EYS: variants seen among roughly 807,000 people sequenced by gnomAD.
EYS encodes EGF-like photoreceptor maintenance factor.
EYS carries 250 observed loss-of-function variants against 282.1 expected under a neutral mutation model. The ratio of observed to expected loss-of-function variants is 0.89; its 90% CI spans 0.80 to 0.98. The LOEUF is 0.98. Among genes scored for constraint, EYS ranks in the 50% least tolerant of loss-of-function variants. EYS has a pLI of 0.00. For synonymous variants in EYS, 1,355 were observed against 1,282.9 expected (o/e 1.06, Z -1.20); for missense variants, 4,016 against 3,709.0 (o/e 1.08, Z -2.15).
chr6:64,666,800 T>C (rs914243108), intron 22 of EYS, among the ~76,000 whole-genome samples: 5 of 152,222 alleles, frequency 3.3e-5, no homozygotes, highest in Non-Finnish European at 7.3e-5. Context: ...TCCTACTTTC[T>C]CCTCACAACC....
At chr6:63,973,376 G>A (rs146074419) in intron 35 of EYS, among the ~76,000 whole-genome samples, 3 of 151,994 alleles carry the variant, frequency 2.0e-5, no homozygotes, top group Admixed American at 2.0e-4. Flanking sequence ...AATCTACAAG[G>A]AACTTAAACA....
At chr6:65,318,578 A>T (rs1394101052) in intron 11 of EYS, among the ~76,000 whole-genome samples, 1 of 147,292 alleles carries the variant, frequency 6.8e-6, no homozygotes, top group Non-Finnish European at 1.5e-5. Flanking sequence ...TATGTATTAC[A>T]TATATTTTGT....
At chr6:65,121,811 C>T (rs968342349) in intron 12 of EYS, among the ~76,000 whole-genome samples, 1 of 151,872 alleles carries the variant, frequency 6.6e-6, no homozygotes, top group Admixed American at 6.6e-5. Context: ...TCTCAAAGCC[C>T]CTAGGTAAAA....
rs1772562562 is a variant in EYS at position 64,746,588 on chromosome 6, T to C, written c.3443+66790A>G. ...GTGTTTTTTAAACCAAAACAAGTCA[T>C]AGGAGAACATGAATAAAGAATTTAG... On this transcript the variant is annotated intron_variant, in intron 22 of 42. Transcript: ENST00000503581. Among the ~76,000 whole-genome samples the C allele has an allele frequency of 2.6e-5, 4 of 152,202 alleles. No homozygotes were observed. The South Asian group carries it at 8.3e-4, about 31-fold the overall frequency.
intron 29 of EYS, among the ~76,000 whole-genome samples, chr6:64,342,718 C>A (rs1182754130): frequency 6.6e-6 from 1 of 151,864 alleles, no homozygotes. Flanking sequence ...CATAACAATA[C>A]TAACCTTAAA....
chr6:65,027,137 A>G (rs975793160), intron 13 of EYS, among the ~76,000 whole-genome samples: 1 of 152,040 alleles, frequency 6.6e-6, no homozygotes, highest in Admixed American at 6.5e-5. Flanking sequence ...ATACCTCAGT[A>G]AGAAACAAAT....
intron 22 of EYS, among the ~76,000 whole-genome samples, chr6:64,725,901 C>A (rs1008346686): frequency 7.9e-5 from 12 of 152,118 alleles, no homozygotes; most frequent in African/African-American, 2.9e-4. Flanking sequence ...AGCTACATTG[C>A]TGATACATTT....
At chr6:64,367,756 G>A (rs1486624490) in intron 29 of EYS, among the ~76,000 whole-genome samples, 2 of 152,004 alleles carry the variant, frequency 1.3e-5, no homozygotes, top group Non-Finnish European at 2.9e-5. Context: ...ACGGCAGCGT[G>A]GGGAGCTACC....
At chr6:65,581,856 T>A (rs1330995861) in intron 2 of EYS, among the ~76,000 whole-genome samples, 1 of 152,010 alleles carries the variant, frequency 6.6e-6, no homozygotes, top group East Asian at 1.9e-4. Context: ...TTTAGTGCAC[T>A]GTGATTCCTA....
intron 35 of EYS, among the ~76,000 whole-genome samples, chr6:63,875,341 A>T (rs964828464): frequency 8.5e-5 from 13 of 152,198 alleles, no homozygotes; most frequent in Admixed American, 2.6e-4. Context: ...CATGGTTGAT[A>T]AGCTTTTTGA....
intron 28 of EYS, among the ~76,000 whole-genome samples, chr6:64,424,616 C>A (rs1480885082): frequency 1.3e-5 from 2 of 152,166 alleles, no homozygotes; most frequent in African/African-American, 2.4e-5. Flanking sequence ...TCTTCCCGTG[C>A]TAATTTTCTC....
At chr6:64,730,555 T>C (rs1771925783) in intron 22 of EYS, among the ~76,000 whole-genome samples, 1 of 152,174 alleles carries the variant, frequency 6.6e-6, no homozygotes, top group Admixed American at 6.5e-5. Context: ...CTTGGCTCAC[T>C]GCAACCTCAG....
chr6:64,612,344 T>A (rs1172288027), intron 24 of EYS, among the ~76,000 whole-genome samples: 1 of 152,132 alleles, frequency 6.6e-6, no homozygotes, highest in Non-Finnish European at 1.5e-5. Context: ...GGTTAATGCA[T>A]GGAGATCAAT....
At chr6:64,624,783 C>T (rs1416296392) in intron 23 of EYS, among the ~76,000 whole-genome samples, 2 of 152,058 alleles carry the variant, frequency 1.3e-5, no homozygotes, top group South Asian at 2.1e-4. Context: ...CTATTATTTC[C>T]GTGGTGGGCC....
chr6:65,664,419 C>T (rs1466220828), intron 1 of EYS, among the ~76,000 whole-genome samples: 1 of 152,012 alleles, frequency 6.6e-6, no homozygotes, highest in Non-Finnish European at 1.5e-5. Context: ...TAACTTCAGA[C>T]AATGCATTTT....
At chr6:64,358,179 T>C (rs1771891962) in intron 29 of EYS, among the ~76,000 whole-genome samples, 1 of 151,624 alleles carries the variant, frequency 6.6e-6, no homozygotes, top group South Asian at 2.1e-4. Flanking sequence ...CTATTCCTGG[T>C]CCCTTTGCCA....
chr6:64,798,199 A>C (rs746053867), intron 22 of EYS, among the ~76,000 whole-genome samples: 9 of 151,880 alleles, frequency 5.9e-5, no homozygotes, highest in Admixed American at 1.3e-4. Flanking sequence ...TAATTCATCA[A>C]TTACACTATT....
intron 36 of EYS, among the ~76,000 whole-genome samples, chr6:63,848,425 G>A (rs944146512): frequency 9.9e-5 from 15 of 151,984 alleles, no homozygotes; most frequent in Admixed American, 9.8e-4. Flanking sequence ...CTGGTCTGCA[G>A]CTCCCAGCAA....
chr6:64,394,395 C>G (rs1220292138), intron 28 of EYS, among the ~76,000 whole-genome samples: 1 of 152,126 alleles, frequency 6.6e-6, no homozygotes, highest in Non-Finnish European at 1.5e-5. Context: ...TACAAGGCTA[C>G]AGTAACCAAA....
Sources: gnomAD v4.1 joint callset for allele counts (sites outside exome capture counted in the v4.1 genomes callset) on GRCh38, gnomAD v4.1.1 for gene constraint, MANE v1.5 for transcripts, NCBI Gene and HGNC (gene_info 2026-07-23, HGNC 2026-07-21) for gene names.